FKBP1B: variants seen among roughly 807,000 people sequenced by gnomAD.
The protein encoded by FKBP1B is peptidyl-prolyl cis-trans isomerase FKBP1B.
In FKBP1B, 4 loss-of-function variants were observed where a neutral mutation model predicts 13.5. That is an observed-to-expected ratio of 0.30 (90% CI 0.15 to 0.68). The LOEUF is 0.68. Among genes scored for constraint, FKBP1B ranks in the 30% least tolerant of loss-of-function variants. The probability of loss-of-function intolerance (pLI) is 0.76; values close to 1 mark genes in which losing one functional copy is unlikely to be tolerated. For synonymous variants in FKBP1B, 54 were observed against 53.6 expected (o/e 1.01, Z -0.03); for missense variants, 93 against 136.2 (o/e 0.68, Z 1.58).
chr2:24,039,999 C>T, the FKBP1B span, among the ~76,000 whole-genome samples: 2 of 151,968 alleles, frequency 1.3e-5, no homozygotes. Flanking sequence ...CGGGGTTTCA[C>T]TATGTTGGCC....
chr2:24,036,571 T>C, the FKBP1B span, among the ~76,000 whole-genome samples: 1 of 152,220 alleles, frequency 6.6e-6, no homozygotes, highest in Non-Finnish European at 1.5e-5. Flanking sequence ...AATTTGCATT[T>C]CTACTTCTGG....
chr2:24,049,882 A>C lies in FKBP1B; in HGVS notation c.33A>C (p.Gly11=). ...TGGAGATCGAGACCATCTCCCCCGG[A>C]GACGGTACCGGGCTCCCTCCGGAGC... MGVEIETISP[G]DGRTFPKKGQ... The change falls in exon 1 of 4, where the codon GGA becomes GGC. Residue 11 remains glycine (G), a synonymous_variant. Coordinates refer to ENST00000380986, the MANE Select transcript of FKBP1B (RefSeq NM_004116.5). 2 of 1,419,458 alleles carry C rather than the reference A, an allele frequency of 1.4e-6. No homozygotes were observed. The highest frequency in any genetic ancestry group is 1.8e-6 in the Non-Finnish European group (2 of 1,085,072). The allele number at this position is 1,419,458 out of a possible 1,614,324, so 87.9% of individuals were successfully genotyped here.
chr2:24,039,334 A>C, the FKBP1B span: 1 of 1,614,220 alleles, frequency 6.2e-7, no homozygotes, highest in Non-Finnish European at 8.5e-7. Context: ...AAACTGTCCA[A>C]TGACTTTGGA....
upstream of FKBP1B, among the ~76,000 whole-genome samples, chr2:24,048,716 C>A (rs1043401004): frequency 6.6e-5 from 10 of 152,206 alleles, no homozygotes; most frequent in Admixed American, 1.3e-4. Flanking sequence ...ACAAATATTA[C>A]CTCCTCCAAA....
chr2:24,054,248 G>T, intron 2 of FKBP1B: 1 of 577,140 alleles, frequency 1.7e-6, no homozygotes, highest in Non-Finnish European at 3.2e-6. Flanking sequence ...TGGAGCCCCT[G>T]TCCCTGCTGG....
At chr2:24,049,727 C>A (rs1249564930), upstream of FKBP1B, 1 of 744,920 alleles carries the variant, frequency 1.3e-6, no homozygotes, top group Non-Finnish European at 1.8e-6. Flanking sequence ...TCCAGCCGCA[C>A]CTCCTCCGGC....
At chr2:24,052,446 TGC>T (rs1219967847) in intron 1 of FKBP1B, among the ~76,000 whole-genome samples, 1 of 152,166 alleles carries the variant, frequency 6.6e-6, no homozygotes. Flanking sequence ...GTTGATTCTG[TGC>T]ACTTGTTACT....
At position 24,050,342 on chromosome 2, in the gene FKBP1B, C is replaced by T. The variant is rs1663810089; in HGVS notation, c.37+456C>T. Among the ~76,000 whole-genome samples the T allele has an allele frequency of 6.6e-6, 1 of 152,192 alleles. No individual in the cohort carries two copies. The highest frequency in any genetic ancestry group is 2.4e-5 in the African/African-American group (1 of 41,458). On this transcript the variant is annotated intron_variant, in intron 1 of 3. Transcript: ENST00000380986. This position sits in a 1 kb window ranked among gnomAD's most constrained non-coding sequence, Gnocchi z 5.8. ...CCGCCGGGCCTCCCCTCGGTCGCTTCCCTGCGGGCCGGGCTGTGAGCGGCT... is the reference window on the plus strand; with the variant it reads ...CCGCCGGGCCTCCCCTCGGTCGCTTTCCTGCGGGCCGGGCTGTGAGCGGCT...
At chr2:24,039,542 A>G in the FKBP1B span, 3 of 1,579,988 alleles carry the variant, frequency 1.9e-6, no homozygotes, top group Non-Finnish European at 2.6e-6. Context: ...AAGTTACACC[A>G]TGAGAAATCT....
intron 1 of FKBP1B, among the ~76,000 whole-genome samples, chr2:24,052,422 C>G (rs1404924005): frequency 6.6e-6 from 1 of 152,148 alleles, no homozygotes; most frequent in Non-Finnish European, 1.5e-5. Flanking sequence ...AGCCTCCTTG[C>G]TCACTGCAAA....
the FKBP1B span, chr2:24,038,642 G>A: frequency 3.1e-6 from 5 of 1,614,090 alleles, no homozygotes; most frequent in Non-Finnish European, 4.2e-6. Context: ...ATGTGAGTTA[G>A]ATCCAGAGGT....
the FKBP1B span, chr2:24,038,180 T>C: frequency 2.6e-5 from 42 of 1,614,130 alleles, no homozygotes; most frequent in African/African-American, 5.3e-5. Flanking sequence ...CCTGATGTTA[T>C]TGAAGGTTCT....
upstream of FKBP1B, among the ~76,000 whole-genome samples, chr2:24,048,737 C>G (rs545584219): frequency 6.6e-6 from 1 of 152,200 alleles, no homozygotes; most frequent in Non-Finnish European, 1.5e-5. Flanking sequence ...AAATATTTTT[C>G]TAGATTCCTG....
At position 24,063,669 on chromosome 2, in the gene FKBP1B, T is replaced by G. The variant is rs1183817694; in HGVS notation, c.*477T>G. On this transcript the variant is annotated 3_prime_UTR_variant, in exon 4 of 4. Transcript: ENST00000380986. Reference sequence around the variant, plus strand: ...TTGAGAAAATGTAAAATAAAGGCTCTGTGCTTGACAAACTCCTGTCCATCC... The same window carrying G: ...TTGAGAAAATGTAAAATAAAGGCTCGGTGCTTGACAAACTCCTGTCCATCC... 4.6e-6 allele frequency: 1 copy of G among 216,810 alleles called. No homozygotes were observed. The highest frequency in any genetic ancestry group is 5.8e-5 in the Admixed American group (1 of 17,244). 13.4% of individuals were successfully genotyped at this position (216,810 alleles called of 1,614,324 possible).
chr2:24,059,096 G>T (rs1664263513), intron 2 of FKBP1B, among the ~76,000 whole-genome samples: 1 of 152,174 alleles, frequency 6.6e-6, no homozygotes. Context: ...CTCACACAAT[G>T]AGTTAGAGCC....
chr2:24,053,138 G>T (rs1023809475), intron 1 of FKBP1B, among the ~76,000 whole-genome samples: 2 of 152,052 alleles, frequency 1.3e-5, no homozygotes, highest in African/African-American at 4.8e-5. Flanking sequence ...TTGTGACAGG[G>T]TCTTGCTCTG....
upstream of FKBP1B, chr2:24,049,599 T>A (rs1663746395): frequency 2.8e-6 from 1 of 359,366 alleles, no homozygotes; most frequent in Non-Finnish European, 5.0e-6. Flanking sequence ...GGGGCCAGGC[T>A]CGCTAACAGC....
At chr2:24,052,946 C>G (rs1219582616) in intron 1 of FKBP1B, among the ~76,000 whole-genome samples, 1 of 151,956 alleles carries the variant, frequency 6.6e-6, no homozygotes, top group Non-Finnish European at 1.5e-5. Flanking sequence ...GCACTCCAGC[C>G]TGGGTGACAC....
intron 3 of FKBP1B, among the ~76,000 whole-genome samples, chr2:24,061,957 C>A: frequency 6.6e-6 from 1 of 152,260 alleles, no homozygotes; most frequent in African/African-American, 2.4e-5. Context: ...GCAAGCTCCG[C>A]GTCCTGGGTT....
Sources: allele counts gnomAD v4.1 joint callset (sites outside exome capture counted in the v4.1 genomes callset), GRCh38; gene constraint gnomAD v4.1.1; non-coding constraint Gnocchi (gnomAD v3.1); transcripts MANE v1.5; gene names NCBI Gene and HGNC (gene_info 2026-07-23, HGNC 2026-07-21).